The following LHFPL3 variants were observed in gnomAD, a reference collection of about 807,000 sequenced individuals.
LHFPL3 encodes the protein LHFPL tetraspan subfamily member 3.
A neutral mutation model predicts 19.3 loss-of-function variants in LHFPL3; 5 were observed. The observed-to-expected ratio is 0.26, with a 90% confidence interval of 0.14 to 0.54. LHFPL3 has a LOEUF of 0.54. Among genes scored for constraint, LHFPL3 ranks in the 20% least tolerant of loss-of-function variants. LHFPL3 has a pLI of 0.94. For missense variants in LHFPL3, 249 were observed against 307.4 expected, an observed-to-expected ratio of 0.81 and a Z score of 1.42; for synonymous variants, 133 against 126.2, an observed-to-expected ratio of 1.05 and a Z score of -0.36.
chr7:104,539,402 C>A (rs1035646252), intron 1 of LHFPL3, among the ~76,000 whole-genome samples: 2 of 152,128 alleles, frequency 1.3e-5, no homozygotes, highest in Non-Finnish European at 2.9e-5. Context: ...ATATAGTAAG[C>A]CCCTCAAGAA....
chr7:104,506,926 A>T (rs11761138), intron 1 of LHFPL3, among the ~76,000 whole-genome samples: 45,924 of 152,164 alleles, frequency 0.3, 7,478 homozygotes, highest in Middle Eastern at 0.4. Flanking sequence ...AAAGGGAAGT[A>T]ATATAAGTAG....
At chr7:104,654,292 G>T (rs1365162515) in intron 1 of LHFPL3, among the ~76,000 whole-genome samples, 1 of 152,208 alleles carries the variant, frequency 6.6e-6, no homozygotes, top group Non-Finnish European at 1.5e-5. Flanking sequence ...ACTTTCAGAT[G>T]ATGATAATGT....
chr7:104,738,816 G>A (rs902852001), intron 2 of LHFPL3: 5 of 152,050 alleles, frequency 3.3e-5, no homozygotes, highest in African/African-American at 7.2e-5. Flanking sequence ...ACAAAGCATC[G>A]TGTTCCGTCA....
intron 1 of LHFPL3, chr7:104,668,728 C>CCCA (rs1792413680): frequency 6.3e-7 from 1 of 1,581,516 alleles, no homozygotes; most frequent in Non-Finnish European, 8.6e-7. Flanking sequence ...CCCCCCCCCC[C>CCCA]CAAAGACCCA....
intron 2 of LHFPL3, among the ~76,000 whole-genome samples, chr7:104,750,566 T>G (rs1794144463): frequency 6.6e-6 from 1 of 152,270 alleles, no homozygotes; most frequent in South Asian, 2.1e-4. Context: ...AGACTTGATC[T>G]TCCCAAGATT....
chr7:104,469,135 T>C (rs987271961), intron 1 of LHFPL3, among the ~76,000 whole-genome samples: 3 of 152,152 alleles, frequency 2.0e-5, no homozygotes, highest in Non-Finnish European at 2.9e-5. Flanking sequence ...CTGGAGTAAA[T>C]AGAGTGAGTG....
chr7:104,807,011 ATGTGTGTGTGTGTGTGTG>A (rs10665231), intron 2 of LHFPL3, among the ~76,000 whole-genome samples: 40 of 139,666 alleles, frequency 2.9e-4, no homozygotes, highest in Non-Finnish European at 4.6e-4. Context: ...CAAAATATAT[ATGTGTGTGTGTGTGTGTG>A]TGTGTGTGTG....
intron 1 of LHFPL3, among the ~76,000 whole-genome samples, chr7:104,723,800 G>GA (rs1281927915): frequency 7.8e-6 from 1 of 128,846 alleles, no homozygotes; most frequent in Non-Finnish European, 1.6e-5. Flanking sequence ...CCAAAATGAA[G>GA]AAATACATAG....
chr7:104,818,387 T>TAAAACAAAA (rs1790607333), intron 2 of LHFPL3, among the ~76,000 whole-genome samples: 1 of 131,378 alleles, frequency 7.6e-6, no homozygotes. Context: ...CTTCTCTCAT[T>TAAAACAAAA]AAAAAAAAAA....
At position 104,491,039 on chromosome 7, in the gene LHFPL3, A is replaced by G. The variant is rs544735143; in HGVS notation, c.445+161815A>G. ...CTTGGAATCTAGATCTCAAGGGTGC[A>G]GGGTTTACTCCTAGAAGATCCTGGT... On this transcript the variant is annotated intron_variant, in intron 1 of 2. Transcript: ENST00000424859. 3.2e-3 allele frequency among the ~76,000 whole-genome samples: 487 copies of G among 152,282 alleles called. 3 individuals are homozygous for G. Among genetic ancestry groups the G allele is most frequent in the African/African-American group, 0.011 (455 of 41,542 alleles).
chr7:104,654,895 C>A (rs1231819533), intron 1 of LHFPL3, among the ~76,000 whole-genome samples: 1 of 152,172 alleles, frequency 6.6e-6, no homozygotes, highest in African/African-American at 2.4e-5. Context: ...CTTTCTTATA[C>A]ACAGAGGTAC....
At chr7:104,893,834 C>A in intron 2 of LHFPL3, among the ~76,000 whole-genome samples, 1 of 151,944 alleles carries the variant, frequency 6.6e-6, no homozygotes, top group East Asian at 1.9e-4. Context: ...CCCCTGTAAT[C>A]CCAGCTACTC....
chr7:104,813,620 C>G (rs1397056545), intron 2 of LHFPL3, among the ~76,000 whole-genome samples: 2 of 152,172 alleles, frequency 1.3e-5, no homozygotes, highest in African/African-American at 4.8e-5. Context: ...TAGGGTCCAG[C>G]CACTGTGCAC....
chr7:104,782,124 G>C (rs993776785), intron 2 of LHFPL3, among the ~76,000 whole-genome samples: 3 of 152,188 alleles, frequency 2.0e-5, no homozygotes, highest in African/African-American at 7.2e-5. Flanking sequence ...ACTGGGCTGG[G>C]CTGGAGGTTC....
At chr7:104,504,394 T>G (rs1353586943) in intron 1 of LHFPL3, among the ~76,000 whole-genome samples, 1 of 152,278 alleles carries the variant, frequency 6.6e-6, no homozygotes, top group Non-Finnish European at 1.5e-5. Context: ...TACTCCAATT[T>G]TTAATGTCTG....
intron 1 of LHFPL3, among the ~76,000 whole-genome samples, chr7:104,537,926 G>A (rs541731311): frequency 1.7e-4 from 26 of 152,168 alleles, no homozygotes; most frequent in Non-Finnish European, 3.7e-4. Flanking sequence ...CTACTCTGAA[G>A]CCAGGGATTG....
chr7:104,645,021 A>G (rs1791906509), intron 1 of LHFPL3, among the ~76,000 whole-genome samples: 1 of 152,290 alleles, frequency 6.6e-6, no homozygotes, highest in Middle Eastern at 3.4e-3. Flanking sequence ...ATCTTTCTAT[A>G]AAAATGTTCC....
intron 1 of LHFPL3, among the ~76,000 whole-genome samples, chr7:104,414,157 C>T (rs557675418): frequency 1.8e-3 from 265 of 151,296 alleles, no homozygotes; most frequent in Non-Finnish European, 3.1e-3. Flanking sequence ...CATTCATTGG[C>T]ATTTAGTATG....
intron 2 of LHFPL3, among the ~76,000 whole-genome samples, chr7:104,853,328 A>T (rs1359405700): frequency 2.0e-5 from 3 of 152,202 alleles, no homozygotes; most frequent in Non-Finnish European, 4.4e-5. Flanking sequence ...CCTGAGTGAC[A>T]GGCTGTGAGG....
Sources: allele counts gnomAD v4.1 joint callset (sites outside exome capture counted in the v4.1 genomes callset), GRCh38; gene constraint gnomAD v4.1.1; transcripts MANE v1.5; gene names NCBI Gene and HGNC (gene_info 2026-07-23, HGNC 2026-07-21).